The following ANO2 variants were observed in gnomAD, a reference collection of about 807,000 sequenced individuals.
ANO2 encodes the protein anoctamin-2.
ANO2 carries 101 observed loss-of-function variants against 124.2 expected under a neutral mutation model. The observed-to-expected ratio is 0.81, with a 90% CI of 0.69 to 0.96. ANO2 has a LOEUF of 0.96. Ranked by LOEUF, ANO2 falls within the 40% of genes least tolerant of loss-of-function variation. The probability of loss-of-function intolerance (pLI) is 0.00; values close to 1 mark genes in which losing one functional copy is unlikely to be tolerated. For synonymous variants in ANO2, 486 were observed against 482.5 expected (o/e 1.01, Z -0.09); for missense variants, 1,293 against 1,274.5 (o/e 1.01, Z -0.22).
chr12:5,579,628 T>G (rs1942623220), intron 20 of ANO2, among the ~76,000 whole-genome samples: 2 of 152,202 alleles, frequency 1.3e-5, no homozygotes, highest in Admixed American at 6.5e-5. Context: ...CACCTGATTC[T>G]GTTATCTACC....
intron 3 of ANO2, among the ~76,000 whole-genome samples, chr12:5,910,259 A>C (rs1305152368): frequency 6.6e-6 from 1 of 152,230 alleles, no homozygotes; most frequent in African/African-American, 2.4e-5. Flanking sequence ...GGCTGACTGC[A>C]ATCTCTGCCT....
chr12:5,563,145 T>C lies in ANO2; in HGVS notation c.*154A>G. 5 of 1,020,316 alleles carry C rather than the reference T, an allele frequency of 4.9e-6. No homozygotes were observed. Among genetic ancestry groups the C allele is most frequent in the Non-Finnish European group, 6.9e-6 (5 of 721,184 alleles). The allele number at this position is 1,020,316 out of a possible 1,614,324, so 63.2% of individuals were successfully genotyped here. A position where few individuals can be genotyped will look rare whatever the true frequency, so the allele number is the denominator to read the frequency against. On this transcript the variant is annotated 3_prime_UTR_variant, in exon 25 of 25. Coordinates refer to ENST00000682330, the MANE Select transcript of ANO2 (RefSeq NM_001364791.2). The stretch of plus-strand genomic sequence containing the variant: ...TCTCTTCCTTCCTACACTCATTCTG[T>C]CAGGCTCTTTCTTTTTACACACTGC...
chr12:5,630,692 C>T (rs1945671722), intron 16 of ANO2, among the ~76,000 whole-genome samples: 2 of 152,188 alleles, frequency 1.3e-5, no homozygotes, highest in African/African-American at 4.8e-5. Context: ...TCACCAATAA[C>T]TGCATTGACA....
At chr12:5,826,410 A>C (rs1018816411) in intron 7 of ANO2, among the ~76,000 whole-genome samples, 6 of 147,648 alleles carry the variant, frequency 4.1e-5, no homozygotes, top group African/African-American at 1.3e-4. Flanking sequence ...TTAACATTTG[A>C]GTCGGTGGGC....
At chr12:5,746,769 A>G (rs983319803) in intron 11 of ANO2, among the ~76,000 whole-genome samples, 3 of 152,222 alleles carry the variant, frequency 2.0e-5, no homozygotes, top group Non-Finnish European at 1.5e-5. Context: ...CAAAGAGGCA[A>G]TCATTCAGGA....
intron 16 of ANO2, among the ~76,000 whole-genome samples, chr12:5,624,873 G>T (rs1945315060): frequency 2.6e-5 from 4 of 152,200 alleles, no homozygotes; most frequent in Admixed American, 2.6e-4. Flanking sequence ...CCTCTGAGGA[G>T]GTGACCTCTA....
At chr12:5,697,572 G>A (rs997023092) in intron 14 of ANO2, among the ~76,000 whole-genome samples, 26 of 152,228 alleles carry the variant, frequency 1.7e-4, no homozygotes, top group African/African-American at 5.5e-4. Flanking sequence ...CTGAGGTACC[G>A]GGTTCATCTC....
At chr12:5,834,808 C>A (rs1954267701) in intron 4 of ANO2, among the ~76,000 whole-genome samples, 1 of 152,180 alleles carries the variant, frequency 6.6e-6, no homozygotes, top group South Asian at 2.1e-4. Context: ...CCAAAAGGAA[C>A]CTCACTTAAC....
rs1269666906 is a variant in ANO2 at position 5,908,476 on chromosome 12, G to A, written c.534+12564C>T. ...CGAGAGTCCGACTGCCCAGGGTGCT[G>A]GGCTGGACAGAAAGTCCAACTGCTG... On this transcript the variant is annotated intron_variant, in intron 3 of 24. Transcript: ENST00000682330. The surrounding 1 kb of genome is among the most constrained non-coding windows in gnomAD (Gnocchi z 4.7). 6.6e-6 allele frequency among the ~76,000 whole-genome samples: 1 copy of A among 152,212 alleles called. No homozygotes were observed. Among genetic ancestry groups the A allele is most frequent in the African/African-American group, 2.4e-5 (1 of 41,448 alleles).
At chr12:5,641,150 C>T (rs1334788725) in intron 15 of ANO2, among the ~76,000 whole-genome samples, 1 of 150,726 alleles carries the variant, frequency 6.6e-6, no homozygotes, top group African/African-American at 2.4e-5. Flanking sequence ...CACATGTTCT[C>T]ACTCATAGGT....
intron 3 of ANO2, among the ~76,000 whole-genome samples, chr12:5,890,993 T>C (rs1286374260): frequency 6.6e-6 from 1 of 152,216 alleles, no homozygotes; most frequent in African/African-American, 2.4e-5. Context: ...TTTACTTGCA[T>C]TCAGACCTCA....
At chr12:5,768,206 A>G (rs543540382) in intron 10 of ANO2, among the ~76,000 whole-genome samples, 1 of 152,242 alleles carries the variant, frequency 6.6e-6, no homozygotes, top group Admixed American at 6.5e-5. Context: ...TTCCAAACCC[A>G]TTCTCACAGC....
chr12:5,944,076 C>G (rs1943000537), intron 1 of ANO2, among the ~76,000 whole-genome samples: 1 of 152,202 alleles, frequency 6.6e-6, no homozygotes, highest in East Asian at 1.9e-4. Context: ...AGGATCGAAT[C>G]AGGTGCTTGG....
At chr12:5,596,863 A>G (rs541035943) in intron 20 of ANO2, among the ~76,000 whole-genome samples, 2 of 152,304 alleles carry the variant, frequency 1.3e-5, no homozygotes, top group South Asian at 4.2e-4. Context: ...AGCACTAAGC[A>G]CTAAGACCCT....
intron 3 of ANO2, among the ~76,000 whole-genome samples, chr12:5,874,678 A>G (rs1937968056): frequency 6.6e-6 from 1 of 152,026 alleles, no homozygotes; most frequent in African/African-American, 2.4e-5. Context: ...GAAACCTCAC[A>G]CATGTCTGCA....
In ANO2 at chr12:5,612,934, G is replaced by A. The variant is rs781741599; in HGVS notation, c.1953C>T (p.Tyr651=). 9.3e-6 allele frequency: 15 copies of A among 1,613,902 alleles called. No individual in the cohort carries two copies. The highest frequency in any genetic ancestry group is 8.9e-5 in the East Asian group (4 of 44,880). Residue 651 remains tyrosine (Y), a synonymous_variant, in exon 18 of 25, where the codon TAC becomes TAT. Coordinates refer to ENST00000682330, the MANE Select transcript of ANO2 (RefSeq NM_001364791.2). ...TGCGGTAACCATCGAATACATAGAC[G>A]TAGCTTCCAGGCCTGCCCACAAACC... ...KGRFVGRPGS[Y]VYVFDGYRME...
Position 5,610,563 on chromosome 12 carries a change from TAAAA to T in ANO2, c.2087+2089_2087+2092del, listed in dbSNP as rs1231955364. On this transcript the variant is annotated intron_variant, in intron 19 of 24. Transcript: ENST00000682330. ...TATTTTATGTTTTATAAAATATATA[TAAAA>T]CAAATATATTTATATTTATATTTAT... 3.8e-3 allele frequency among the ~76,000 whole-genome samples: 534 copies of T among 142,322 alleles called. 3 individuals are homozygous for T. Among genetic ancestry groups the T allele is most frequent in the Middle Eastern group, 7.6e-3 (2 of 264 alleles). 93.4% of individuals were successfully genotyped at this position (142,322 alleles called of 152,430 possible).
chr12:5,730,325 T>C (rs796172847), intron 14 of ANO2, among the ~76,000 whole-genome samples: 12 of 152,324 alleles, frequency 7.9e-5, no homozygotes, highest in African/African-American at 2.9e-4. Context: ...CAAACAGGCC[T>C]TGGGGATCAG....
chr12:5,846,958 T>A (rs12313143), intron 4 of ANO2, among the ~76,000 whole-genome samples: 1 of 152,234 alleles, frequency 6.6e-6, no homozygotes, highest in Non-Finnish European at 1.5e-5. Context: ...AAGAGGATTA[T>A]TGACTTGGAA....
Sources: allele counts gnomAD v4.1 joint callset (sites outside exome capture counted in the v4.1 genomes callset), GRCh38; gene constraint gnomAD v4.1.1; non-coding constraint Gnocchi (gnomAD v3.1); transcripts MANE v1.5; gene names NCBI Gene and HGNC (gene_info 2026-07-23, HGNC 2026-07-21).